THSD7A: variants seen among roughly 807,000 people sequenced by gnomAD.
The protein encoded by THSD7A is thrombospondin type 1 domain containing 7A.
THSD7A carries 96 observed loss-of-function variants against 231.3 expected under a neutral mutation model. The observed-to-expected ratio is 0.41, with a 90% CI of 0.35 to 0.49. The LOEUF (loss-of-function observed/expected upper bound fraction) is 0.49. Among genes scored for constraint, THSD7A ranks in the 20% least tolerant of loss-of-function variants. The pLI is 0.05. For synonymous variants in THSD7A, 940 were observed against 743.3 expected, an observed-to-expected ratio of 1.26 and a Z score of -4.30; for missense variants, 2,290 against 2,070.2, an observed-to-expected ratio of 1.11 and a Z score of -2.06.
chr7:11,561,999 C>G (rs1790097615), intron 4 of THSD7A, among the ~76,000 whole-genome samples: 1 of 152,182 alleles, frequency 6.6e-6, no homozygotes, highest in African/African-American at 2.4e-5. Flanking sequence ...TGTTCTTCCC[C>G]CAGTTCCCAC....
intron 23 of THSD7A, among the ~76,000 whole-genome samples, chr7:11,388,125 G>A (rs1190580479): frequency 2.6e-5 from 4 of 151,852 alleles, no homozygotes; most frequent in East Asian, 3.9e-4. Context: ...GAGGATTTTC[G>A]CACCAATGTT....
intron 9 of THSD7A, among the ~76,000 whole-genome samples, chr7:11,468,704 T>TG (rs890333138): frequency 6.6e-6 from 1 of 151,990 alleles, no homozygotes; most frequent in African/African-American, 2.4e-5. Context: ...TGTGGTGGCA[T>TG]GTGCCTATAG....
chr7:11,761,364 T>A (rs1782850164), intron 1 of THSD7A, among the ~76,000 whole-genome samples: 1 of 152,114 alleles, frequency 6.6e-6, no homozygotes. Flanking sequence ...GGTCAATATA[T>A]AACATCTTTG....
chr7:11,664,945 G>A (rs1390720452), intron 1 of THSD7A, among the ~76,000 whole-genome samples: 1 of 151,968 alleles, frequency 6.6e-6, no homozygotes, highest in Non-Finnish European at 1.5e-5. Context: ...TCAAAGAAAA[G>A]GGAAAGGGTG....
At chr7:11,396,852 C>G (rs1184722548) in intron 23 of THSD7A, among the ~76,000 whole-genome samples, 2 of 152,202 alleles carry the variant, frequency 1.3e-5, no homozygotes, top group Admixed American at 6.5e-5. Flanking sequence ...AGGCCAATAT[C>G]CCTGATGAAC....
At chr7:11,696,897 G>A (rs1346290135) in intron 1 of THSD7A, among the ~76,000 whole-genome samples, 1 of 151,334 alleles carries the variant, frequency 6.6e-6, no homozygotes, top group African/African-American at 2.4e-5. Context: ...AGTTCTAACT[G>A]ATTATGGCCA....
intron 6 of THSD7A, among the ~76,000 whole-genome samples, chr7:11,522,218 A>G (rs559347594): frequency 8.5e-5 from 13 of 152,242 alleles, no homozygotes; most frequent in African/African-American, 3.1e-4. Context: ...TATTCCTTGG[A>G]CAGAATTCCT....
rs1782218750 is a variant in THSD7A at position 11,375,241 on chromosome 7, A to G, written c.*553T>C. ...TGCAGGTCAATAAAATCTACCATCGACCACCAAGATGCTGAATTTATTCAG... is the reference window on the plus strand; with the variant it reads ...TGCAGGTCAATAAAATCTACCATCGGCCACCAAGATGCTGAATTTATTCAG... On this transcript the variant is annotated 3_prime_UTR_variant, in exon 28 of 28. Coordinates refer to ENST00000423059, the MANE Select transcript of THSD7A (RefSeq NM_015204.3). 1 of 152,062 alleles carries G rather than the reference A, an allele frequency of 6.6e-6. No homozygotes were observed. Among genetic ancestry groups the G allele is most frequent in the Non-Finnish European group, 1.5e-5 (1 of 67,980 alleles). 9.4% of individuals were successfully genotyped at this position (152,062 alleles called of 1,614,324 possible).
chr7:11,399,189 T>C (rs545480463), intron 23 of THSD7A, among the ~76,000 whole-genome samples: 2 of 152,332 alleles, frequency 1.3e-5, no homozygotes, highest in South Asian at 2.1e-4. Flanking sequence ...TTTGTGTGCA[T>C]ATGTGAGTAT....
chr7:11,388,301 TTGAC>T, intron 23 of THSD7A, among the ~76,000 whole-genome samples: 1 of 152,280 alleles, frequency 6.6e-6, no homozygotes, highest in South Asian at 2.1e-4. Context: ...CTGGTAGAAT[TTGAC>T]TGTGAATCCA....
At chr7:11,541,979 C>G (rs1789171328) in intron 5 of THSD7A, among the ~76,000 whole-genome samples, 1 of 152,136 alleles carries the variant, frequency 6.6e-6, no homozygotes, top group African/African-American at 2.4e-5. Flanking sequence ...CTTGGAAAGT[C>G]TGTAGCTATA....
intron 1 of THSD7A, among the ~76,000 whole-genome samples, chr7:11,676,370 T>C (rs1037924731): frequency 2.0e-5 from 3 of 152,128 alleles, no homozygotes. Flanking sequence ...CTCCAAAGGA[T>C]CACAATTCCT....
intron 2 of THSD7A, among the ~76,000 whole-genome samples, chr7:11,593,840 T>C (rs1021005681): frequency 6.6e-6 from 1 of 152,216 alleles, no homozygotes; most frequent in Non-Finnish European, 1.5e-5. Context: ...CCAAGAACTG[T>C]TAACATATGC....
chr7:11,522,815 G>C (rs1335408256), intron 6 of THSD7A, among the ~76,000 whole-genome samples: 3 of 152,018 alleles, frequency 2.0e-5, no homozygotes, highest in Non-Finnish European at 4.4e-5. Flanking sequence ...AAAGTACATG[G>C]AAAATAAAAA....
intron 23 of THSD7A, among the ~76,000 whole-genome samples, chr7:11,396,058 A>ACTT (rs1418419765): frequency 6.6e-6 from 1 of 152,056 alleles, no homozygotes; most frequent in East Asian, 1.9e-4. Context: ...TAAATAACAA[A>ACTT]ACTAAAGCAG....
In THSD7A at chr7:11,816,154, A is replaced by T. The variant is rs1424306372; in HGVS notation, c.190+15603T>A. On this transcript the variant is annotated intron_variant, in intron 1 of 27. Transcript: ENST00000423059. ...GCCTCAAATAGTTTATTTACACAGG[A>T]TAGAGAACTCCATGCTATTCATGTT... Among the ~76,000 whole-genome samples the T allele has an allele frequency of 2.0e-5, 3 of 152,170 alleles. No individual in the cohort carries two copies. The East Asian group carries it at 5.8e-4, about 29-fold the overall frequency.
chr7:11,624,274 C>A (rs1374068539), intron 2 of THSD7A, among the ~76,000 whole-genome samples: 1 of 151,944 alleles, frequency 6.6e-6, no homozygotes, highest in Admixed American at 6.6e-5. Flanking sequence ...AGAATTTGAC[C>A]CCTCCAATCC....
intron 1 of THSD7A, among the ~76,000 whole-genome samples, chr7:11,811,802 T>C (rs988625482): frequency 2.6e-5 from 4 of 152,162 alleles, no homozygotes; most frequent in African/African-American, 4.8e-5. Flanking sequence ...AGGTTTTCAC[T>C]TGGATTCTTT....
At chr7:11,775,303 A>G (rs1420854881) in intron 1 of THSD7A, among the ~76,000 whole-genome samples, 1 of 152,188 alleles carries the variant, frequency 6.6e-6, no homozygotes, top group African/African-American at 2.4e-5. Context: ...CCTCAAACCC[A>G]TTAAACATAT....
Sources: allele counts gnomAD v4.1 joint callset (sites outside exome capture counted in the v4.1 genomes callset), GRCh38; gene constraint gnomAD v4.1.1; transcripts MANE v1.5; gene names NCBI Gene and HGNC (gene_info 2026-07-23, HGNC 2026-07-21).